TANC1: variants seen among roughly 807,000 people sequenced by gnomAD.
TANC1 encodes protein TANC1.
A neutral mutation model predicts 149.7 loss-of-function variants in TANC1; 77 were observed. That is an observed-to-expected ratio of 0.51 (90% CI 0.43 to 0.62). The LOEUF (loss-of-function observed/expected upper bound fraction) is 0.62. Among genes scored for constraint, TANC1 ranks in the 20% least tolerant of loss-of-function variants. The pLI is 0.00. For missense variants in TANC1, 1,985 were observed against 2,321.8 expected (o/e 0.85, Z 2.98); for synonymous variants, 854 against 925.0 (o/e 0.92, Z 1.39).
At chr2:159,157,328 G>T (rs1379043788) in intron 7 of TANC1, among the ~76,000 whole-genome samples, 2 of 152,196 alleles carry the variant, frequency 1.3e-5, no homozygotes, top group African/African-American at 4.8e-5. Context: ...TTTGCAGGTG[G>T]CCGGGCCTAG....
intron 3 of TANC1, among the ~76,000 whole-genome samples, chr2:159,096,786 C>T (rs2046186435): frequency 6.6e-6 from 1 of 152,150 alleles, no homozygotes; most frequent in Non-Finnish European, 1.5e-5. Context: ...AGCAGGTAAC[C>T]AGGGAACAGA....
chr2:159,217,549 G>A lies in TANC1; in HGVS notation c.3297G>A (p.Leu1099=), dbSNP rs1451940005. 6.2e-7 allele frequency: 1 copy of A among 1,614,126 alleles called. No homozygotes were observed. Among genetic ancestry groups the A allele is most frequent in the African/African-American group, 1.3e-5 (1 of 74,936 alleles). ...RGKLEVCELL[L]GHGAAVSRTN... The stretch of plus-strand genomic sequence containing the variant: ...AGCTGGAGGTCTGTGAGCTGCTGCT[G>A]GGGCATGGAGCTGCTGTGTCGCGGA... The change falls in exon 20 of 27, where the codon CTG becomes CTA. Residue 1099 remains leucine, a synonymous_variant. Coordinates refer to ENST00000263635, the MANE Select transcript of TANC1 (RefSeq NM_033394.3).
intron 4 of TANC1, among the ~76,000 whole-genome samples, chr2:159,105,231 T>C (rs550115877): frequency 2.0e-5 from 3 of 151,912 alleles, no homozygotes; most frequent in African/African-American, 7.3e-5. Flanking sequence ...CCTGATCCCA[T>C]GATCCGCCCA....
chr2:159,184,008 G>A lies in TANC1; in HGVS notation c.2511-1783G>A, dbSNP rs2150584243. On this transcript the variant is annotated intron_variant, in intron 14 of 26. Transcript: ENST00000263635. Reference sequence around the variant, plus strand: ...GATAAGGTGTAGCTGTGAATGAATGGAGGACTCAAGCTCCGCAGGTTAAGA... The same window carrying A: ...GATAAGGTGTAGCTGTGAATGAATGAAGGACTCAAGCTCCGCAGGTTAAGA... Among the ~76,000 whole-genome samples the A allele has an allele frequency of 2.0e-5, 3 of 152,288 alleles. No homozygotes were observed. The South Asian group carries it at 6.2e-4, about 32-fold the overall frequency.
At chr2:158,989,400 G>GT (rs2035368813) in intron 1 of TANC1, among the ~76,000 whole-genome samples, 1 of 151,822 alleles carries the variant, frequency 6.6e-6, no homozygotes, top group South Asian at 2.1e-4. Context: ...GAGCTCAGGA[G>GT]TTTGAGAGCA....
chr2:159,072,846 A>T (rs1297854762), intron 3 of TANC1, among the ~76,000 whole-genome samples: 1 of 152,052 alleles, frequency 6.6e-6, no homozygotes, highest in African/African-American at 2.4e-5. Context: ...GTGATGTTCT[A>T]GAAGCTTCTT....
chr2:159,111,505 G>A (rs757487685), intron 4 of TANC1, among the ~76,000 whole-genome samples: 73 of 152,196 alleles, frequency 4.8e-4, no homozygotes, highest in Non-Finnish European at 8.7e-4. Flanking sequence ...TGGCACAGCC[G>A]TTGTTCTGCC....
At chr2:159,219,620 G>T in intron 21 of TANC1, 72 bp from the exon 22 acceptor site, 1 of 1,573,166 alleles carries the variant, frequency 6.4e-7, no homozygotes, top group African/African-American at 1.3e-5. Flanking sequence ...TGTTCCGCAG[G>T]TGTGAAACAA....
chr2:159,047,029 G>A (rs1057366096), intron 2 of TANC1, among the ~76,000 whole-genome samples: 1 of 151,848 alleles, frequency 6.6e-6, no homozygotes, highest in Admixed American at 6.6e-5. Context: ...AGCCTTTTTG[G>A]GGGAGACCTC....
Position 159,150,357 on chromosome 2 carries a change from A to G in TANC1, c.496-13A>G. ...GTAAGCCGTGCTAACTCCTCCTTCC[A>G]TTCATCTTGCAGTGCACAGCTCTGA... On this transcript the variant is annotated splice_polypyrimidine_tract_variant and intron_variant, in intron 6 of 26. Transcript: ENST00000263635. 6.2e-7 allele frequency: 1 copy of G among 1,611,822 alleles called. No homozygotes were observed. Among genetic ancestry groups the G allele is most frequent in the Non-Finnish European group, 8.5e-7 (1 of 1,178,422 alleles).
intron 2 of TANC1, among the ~76,000 whole-genome samples, chr2:159,051,631 A>C (rs2041470434): frequency 6.6e-6 from 1 of 150,674 alleles, no homozygotes; most frequent in African/African-American, 2.4e-5. Flanking sequence ...CTCTAATTCA[A>C]AATTTAGTTG....
chr2:159,005,550 T>C (rs2037079360), intron 2 of TANC1, among the ~76,000 whole-genome samples: 1 of 152,182 alleles, frequency 6.6e-6, no homozygotes, highest in South Asian at 2.1e-4. Flanking sequence ...ATCACACCAC[T>C]GCACTCCAAC....
intron 1 of TANC1, among the ~76,000 whole-genome samples, chr2:158,974,348 A>T (rs1358735975): frequency 1.3e-5 from 2 of 152,216 alleles, no homozygotes; most frequent in Non-Finnish European, 2.9e-5. Context: ...TCCCACGGAT[A>T]CTAAAATCCT....
At chr2:159,121,531 GC>G (rs1211035609) in intron 4 of TANC1, among the ~76,000 whole-genome samples, 1 of 152,062 alleles carries the variant, frequency 6.6e-6, no homozygotes, top group Non-Finnish European at 1.5e-5. Flanking sequence ...ACGGGGTTTC[GC>G]CATGTTGGCC....
At chr2:159,225,908 G>C (rs1014713011) in intron 24 of TANC1, 129 bp downstream of exon 24, 2 of 793,528 alleles carry the variant, frequency 2.5e-6, no homozygotes, top group Non-Finnish European at 4.3e-6. Context: ...GTGGCTGGGT[G>C]GGGTGGCTCA....
chr2:159,041,268 A>G (rs183126914), intron 2 of TANC1, among the ~76,000 whole-genome samples: 1 of 152,306 alleles, frequency 6.6e-6, no homozygotes, highest in East Asian at 1.9e-4. Context: ...CAATCTGTCC[A>G]TTCTCAGAGC....
In TANC1 at chr2:159,194,324, C is replaced by T. The variant is rs2057694242; in HGVS notation, c.2810C>T (p.Pro937Leu). Residue 937 changes from proline (P) to leucine (L), a missense_variant, in exon 17 of 27, where the codon CCA becomes CTA. Around this residue, in one of 3 missense-constraint regions of TANC1, gnomAD observed 508 missense variants for 714.2 expected, o/e 0.71. Coordinates refer to ENST00000263635, the MANE Select transcript of TANC1 (RefSeq NM_033394.3). ...AGGACAGAAGTGTTAAATAATGCCC[C>T]AATCCTGTGCGTCCAGTCTCACCTT... is the stretch of plus-strand genomic sequence containing the variant. ...NYRTEVLNNA[P>L]ILCVQSHLGH... The T allele has an allele frequency of 1.9e-6, 3 of 1,614,248 alleles. No individual in the cohort carries two copies. Among genetic ancestry groups the T allele is most frequent in the Non-Finnish European group, 2.5e-6 (3 of 1,180,044 alleles).
intron 1 of TANC1, among the ~76,000 whole-genome samples, chr2:158,971,503 T>A (rs2032876395): frequency 1.3e-5 from 2 of 152,218 alleles, no homozygotes; most frequent in African/African-American, 4.8e-5. Flanking sequence ...TTTGTTTTAG[T>A]GTTTAAAATA....
intron 3 of TANC1, among the ~76,000 whole-genome samples, chr2:159,084,335 A>G (rs893061045): frequency 2.6e-5 from 4 of 151,908 alleles, no homozygotes; most frequent in Admixed American, 2.0e-4. Flanking sequence ...ACCTTGTTAT[A>G]TAGCCACATG....
Sources: gnomAD v4.1 joint callset for allele counts (sites outside exome capture counted in the v4.1 genomes callset) on GRCh38, gnomAD v4.1.1 for gene constraint, gnomAD v4.1.1 regional missense constraint, MANE v1.5 for transcripts, NCBI Gene and HGNC (gene_info 2026-07-23, HGNC 2026-07-21) for gene names.